Variants in FXN observed in about 807,000 individuals in gnomAD.
FXN encodes the protein frataxin, also known as frataxin, mitochondrial.
FXN carries 14 observed loss-of-function variants against 22.4 expected under a neutral mutation model. The observed-to-expected ratio is 0.62, with a 90% CI of 0.41 to 0.98. The LOEUF (loss-of-function observed/expected upper bound fraction) is 0.98. Ranked by LOEUF, FXN falls within the 50% of genes least tolerant of loss-of-function variation. The pLI, the probability that FXN is intolerant of heterozygous loss-of-function variation, is 0.00. For missense variants in FXN, 267 were observed against 268.4 expected, an observed-to-expected ratio of 0.99 and a Z score of 0.04; for synonymous variants, 120 against 114.1, an observed-to-expected ratio of 1.05 and a Z score of -0.33.
At chr9:69,052,935 C>T (rs1283147889) in intron 2 of FXN, among the ~76,000 whole-genome samples, 2 of 146,346 alleles carry the variant, frequency 1.4e-5, no homozygotes, top group African/African-American at 5.1e-5. Flanking sequence ...CTTGATGTCA[C>T]GAGTTCAGAC....
In FXN at chr9:69,075,958, TC is replaced by T; in HGVS notation, c.*3198del. 1.1e-6 allele frequency: 1 copy of T among 917,362 alleles called. No homozygotes were observed. The highest frequency in any genetic ancestry group is 1.3e-6 in the Non-Finnish European group (1 of 768,472). 56.8% of individuals were successfully genotyped at this position (917,362 alleles called of 1,614,324 possible). A position where few individuals can be genotyped will look rare whatever the true frequency, so the allele number is the denominator to read the frequency against. ...AGGCTCAAGTGATCCACCTGCCTCG[TC>T]CTCCCAAGATGCTGGGATTACAGGT... On this transcript the variant is annotated 3_prime_UTR_variant, in exon 5 of 5. Coordinates refer to ENST00000484259, the MANE Select transcript of FXN (RefSeq NM_000144.5).
chr9:69,037,284 A>AAAAAAAAAAAAAGAAG (rs544093183), intron 1 of FXN, among the ~76,000 whole-genome samples: 1 of 78,060 alleles, frequency 1.3e-5, no homozygotes, highest in Non-Finnish European at 2.5e-5. Context: ...AAAAAAAAAA[A>AAAAAAAAAAAAAGAAG]AAGAAGAAGA....
chr9:69,054,970 G>T (rs1489319369), intron 3 of FXN, among the ~76,000 whole-genome samples: 23 of 152,196 alleles, frequency 1.5e-4, no homozygotes, highest in Non-Finnish European at 2.4e-4. Flanking sequence ...AATGGAGAAG[G>T]CACTCCACAT....
At chr9:69,055,430 G>A (rs1203498873) in intron 3 of FXN, among the ~76,000 whole-genome samples, 3 of 152,098 alleles carry the variant, frequency 2.0e-5, no homozygotes, top group Non-Finnish European at 4.4e-5. Flanking sequence ...TACTTTGCAT[G>A]AATGTTTTGT....
intron 4 of FXN, among the ~76,000 whole-genome samples, chr9:69,066,075 G>A (rs528855150): frequency 1.3e-5 from 2 of 152,296 alleles, no homozygotes; most frequent in South Asian, 4.1e-4. Context: ...GAACATGCAG[G>A]GAGAGACATC....
intron 3 of FXN, among the ~76,000 whole-genome samples, chr9:69,062,259 G>A (rs923236342): frequency 2.0e-5 from 3 of 151,972 alleles, no homozygotes; most frequent in Admixed American, 1.3e-4. Context: ...CTATAGGTGC[G>A]CACCACCACA....
rs1055714866 is a variant in FXN, at chr9:69,077,628, C to T, written c.*4866C>T. ...GAACATTGTTAACGCCACATCTTGA[C>T]CTCAAATTGTTTAGCTCCTGGCCAG... is the stretch of plus-strand genomic sequence containing the variant. On this transcript the variant is annotated 3_prime_UTR_variant, in exon 5 of 5. Transcript: ENST00000484259. The T allele has an allele frequency of 1.2e-5, 12 of 985,294 alleles. No individual in the cohort carries two copies. In the African/African-American group the frequency reaches 1.9e-4, roughly 16 times the overall value. 61.0% of individuals were successfully genotyped at this position (985,294 alleles called of 1,614,324 possible). A position where few individuals can be genotyped will look rare whatever the true frequency, so the allele number is the denominator to read the frequency against.
At chr9:69,036,980 G>GA (rs1382453175) in intron 1 of FXN, among the ~76,000 whole-genome samples, 3 of 152,094 alleles carry the variant, frequency 2.0e-5, no homozygotes, top group Non-Finnish European at 4.4e-5. Flanking sequence ...TAGGGGAGAT[G>GA]AAAGAGGCAG....
rs11310316 is a variant in FXN at position 69,076,217 on chromosome 9, GTT to G, written c.*3468_*3469del. 8.1e-3 allele frequency: 6,555 copies of G among 813,078 alleles called. No individual in the cohort carries two copies. Among genetic ancestry groups the G allele is most frequent in the Non-Finnish European group, 8.7e-3 (6,082 of 696,006 alleles). 50.4% of individuals were successfully genotyped at this position (813,078 alleles called of 1,614,324 possible). A position where few individuals can be genotyped will look rare whatever the true frequency, so the allele number is the denominator to read the frequency against. ...TTGTAGACACTGACAGTGGCCTCAT[GTT>G]TTTTTTTTTTTTAATCTATAAAATG... On this transcript the variant is annotated 3_prime_UTR_variant, in exon 5 of 5. Transcript: ENST00000484259.
intron 1 of FXN, among the ~76,000 whole-genome samples, chr9:69,040,496 A>G (rs370206375): frequency 1.3e-5 from 2 of 151,992 alleles, no homozygotes; most frequent in East Asian, 1.9e-4. Flanking sequence ...ATGAAACCCC[A>G]TCTCTACTAA....
Position 69,073,521 on chromosome 9 carries a change from G to A in FXN, c.*759G>A, listed in dbSNP as rs1832311777. ...AAGCCGTTTTCATGAGCTGAGTGATGTAGCGTAACAAACAAAATCATGGAG... is the reference window on the plus strand; with the variant it reads ...AAGCCGTTTTCATGAGCTGAGTGATATAGCGTAACAAACAAAATCATGGAG... On this transcript the variant is annotated 3_prime_UTR_variant, in exon 5 of 5. Transcript: ENST00000484259. The A allele has an allele frequency of 3.0e-6, 3 of 985,484 alleles. No individual in the cohort carries two copies. The highest frequency in any genetic ancestry group is 1.1e-4 in the East Asian group (1 of 8,824). 61.0% of individuals were successfully genotyped at this position (985,484 alleles called of 1,614,324 possible).
At chr9:69,062,370 C>T (rs947059244) in intron 3 of FXN, among the ~76,000 whole-genome samples, 3 of 152,006 alleles carry the variant, frequency 2.0e-5, no homozygotes, top group African/African-American at 4.8e-5. Context: ...CTTGGGCTCC[C>T]GAAGTGCCAG....
chr9:69,069,512 C>T (rs1832234338), intron 4 of FXN, among the ~76,000 whole-genome samples: 1 of 130,526 alleles, frequency 7.7e-6, no homozygotes, highest in African/African-American at 2.6e-5. Context: ...CACTTTCTGA[C>T]ACTCACCCCG....
intron 4 of FXN, among the ~76,000 whole-genome samples, chr9:69,069,083 G>A (rs1157961901): frequency 6.6e-6 from 1 of 152,250 alleles, no homozygotes; most frequent in East Asian, 1.9e-4. Flanking sequence ...AGAAGAAGGG[G>A]CCAGACACAG....
At position 69,074,402 on chromosome 9, in the gene FXN, C is replaced by T. The variant is rs1484346651; in HGVS notation, c.*1640C>T. 9.2e-6 allele frequency: 9 copies of T among 983,364 alleles called. No individual in the cohort carries two copies. The highest frequency in any genetic ancestry group is 6.2e-5 in the Admixed American group (1 of 16,242). The allele number at this position is 983,364 out of a possible 1,614,324, so 60.9% of individuals were successfully genotyped here. A position where few individuals can be genotyped will look rare whatever the true frequency, so the allele number is the denominator to read the frequency against. The stretch of plus-strand genomic sequence containing the variant: ...ATTTATTAGTGGCTGGGCATGGTGG[C>T]GTGCACCTGTAATCCCAGGTACTCA... On this transcript the variant is annotated 3_prime_UTR_variant, in exon 5 of 5. Transcript: ENST00000484259.
chr9:69,059,100 T>C (rs1425414340), intron 3 of FXN, among the ~76,000 whole-genome samples: 1 of 151,654 alleles, frequency 6.6e-6, no homozygotes, highest in Non-Finnish European at 1.5e-5. Flanking sequence ...AAAATGAAAG[T>C]GAGGTACAGA....
chr9:69,041,171 G>A (rs535657333), intron 1 of FXN, among the ~76,000 whole-genome samples: 44 of 152,250 alleles, frequency 2.9e-4, no homozygotes, highest in Non-Finnish European at 5.6e-4. Context: ...CTGCCAGCCC[G>A]AATTCTGTTC....
chr9:69,040,393 G>A (rs190176540), intron 1 of FXN, among the ~76,000 whole-genome samples: 57 of 152,336 alleles, frequency 3.7e-4, no homozygotes, highest in African/African-American at 1.3e-3. Context: ...ACGCTGCCGG[G>A]CGCGGTGGCT....
rs1832338968 is a variant in FXN, at chr9:69,074,890, A to G, written c.*2128A>G. ...AGTGAGAAAATAAATAACATCATACATGTTTGTATGTGTTTGCATCTTGCT... is the reference window on the plus strand; with the variant it reads ...AGTGAGAAAATAAATAACATCATACGTGTTTGTATGTGTTTGCATCTTGCT... On this transcript the variant is annotated 3_prime_UTR_variant, in exon 5 of 5. Transcript: ENST00000484259. 7 of 985,298 alleles carry G rather than the reference A, an allele frequency of 7.1e-6. No homozygotes were observed. The highest frequency in any genetic ancestry group is 6.0e-6 in the Non-Finnish European group (5 of 829,924). The allele number at this position is 985,298 out of a possible 1,614,324, so 61.0% of individuals were successfully genotyped here.
Sources: gnomAD v4.1 joint callset for allele counts (sites outside exome capture counted in the v4.1 genomes callset) on GRCh38, gnomAD v4.1.1 for gene constraint, MANE v1.5 for transcripts, NCBI Gene and HGNC (gene_info 2026-07-23, HGNC 2026-07-21) for gene names.